The following ZC3H4 variants were observed in gnomAD, a reference collection of about 807,000 sequenced individuals.
ZC3H4 encodes the protein zinc finger CCCH domain-containing protein 4.
A neutral mutation model predicts 108.3 loss-of-function variants in ZC3H4; 13 were observed. The ratio of observed to expected loss-of-function variants is 0.12; its 90% CI spans 0.08 to 0.19. The LOEUF is 0.19. ZC3H4 is among the 10% of genes least tolerant of loss of function. ZC3H4 has a pLI of 1.00. For synonymous variants in ZC3H4, 917 were observed against 749.6 expected (o/e 1.22, Z -3.65); for missense variants, 1,734 against 1,838.8 (o/e 0.94, Z 1.04).
intron 2 of ZC3H4, among the ~76,000 whole-genome samples, chr19:47,106,665 G>A (rs969804035): frequency 6.6e-6 from 1 of 152,204 alleles, no homozygotes; most frequent in African/African-American, 2.4e-5. Flanking sequence ...AACTGTAGAA[G>A]GTAGGCCAGA....
chr19:47,089,875 G>T lies in ZC3H4; in HGVS notation c.715+92C>A, dbSNP rs1033460317. On this transcript the variant is annotated intron_variant, in intron 5 of 14. Coordinates refer to ENST00000253048, the MANE Select transcript of ZC3H4 (RefSeq NM_015168.2). ...TTGTACACTTATCCCAACCCTAAGT[G>T]ACCAAACTTGAGGTTCTGTGAGACC... 13 of 1,359,356 alleles carry T rather than the reference G, an allele frequency of 9.6e-6. No homozygotes were observed. The Admixed American group carries it at 2.1e-4, about 22-fold the overall frequency. The allele number at this position is 1,359,356 out of a possible 1,614,324, so 84.2% of individuals were successfully genotyped here. A position where few individuals can be genotyped will look rare whatever the true frequency, so the allele number is the denominator to read the frequency against.
chr19:47,084,453 G>A lies in ZC3H4; in HGVS notation c.1110C>T (p.Asp370=), dbSNP rs1198294182. 9 of 1,614,010 alleles carry A rather than the reference G, an allele frequency of 5.6e-6. No homozygotes were observed. The highest frequency in any genetic ancestry group is 2.2e-5 in the East Asian group (1 of 44,892). The part of the protein sequence containing the change: ...DEDFYDEDMG[D]GGGGSYRSRD... ...GACTCCGGTAGCTTCCACCACCACCGTCCTGCAATGGACAGGGTGTGGACG... is the reference window on the plus strand; with the variant it reads ...GACTCCGGTAGCTTCCACCACCACCATCCTGCAATGGACAGGGTGTGGACG... Residue 370 remains aspartate, a splice_region_variant and synonymous_variant, in exon 9 of 15, where the codon GAC becomes GAT. Coordinates refer to ENST00000253048, the MANE Select transcript of ZC3H4 (RefSeq NM_015168.2).
chr19:47,096,049 T>A (rs2057815123), intron 2 of ZC3H4, among the ~76,000 whole-genome samples: 1 of 152,206 alleles, frequency 6.6e-6, no homozygotes, highest in South Asian at 2.1e-4. Context: ...TCCACTGTCC[T>A]TTCGCTTATG....
intron 2 of ZC3H4, among the ~76,000 whole-genome samples, chr19:47,109,290 T>A (rs887861117): frequency 1.3e-5 from 2 of 152,264 alleles, no homozygotes; most frequent in African/African-American, 4.8e-5. Context: ...TGTGTTGACA[T>A]GCCTGTGAGC....
chr19:47,085,305 G>T lies in ZC3H4; in HGVS notation c.967+13C>A. 6.6e-7 allele frequency: 1 copy of T among 1,524,282 alleles called. No homozygotes were observed. The allele number at this position is 1,524,282 out of a possible 1,614,324, so 94.4% of individuals were successfully genotyped here. ...TGCCCCACCCAGCGTGTCCTCTCCA[G>T]GCCCCTGCCCACCTCGGCCTCGGCT... On this transcript the variant is annotated intron_variant, in intron 7 of 14. Coordinates refer to ENST00000253048, the MANE Select transcript of ZC3H4 (RefSeq NM_015168.2).
At chr19:47,085,939 C>G (rs1449261878) in intron 6 of ZC3H4, among the ~76,000 whole-genome samples, 1 of 152,160 alleles carries the variant, frequency 6.6e-6, no homozygotes, top group African/African-American at 2.4e-5. Flanking sequence ...TCTCGGCTCA[C>G]TGCAACCTCC....
At position 47,072,522 on chromosome 19, in the gene ZC3H4, C is replaced by T. The variant is rs900831960; in HGVS notation, c.1632G>A (p.Pro544=). 1.2e-4 allele frequency: 23 copies of T among 193,242 alleles called. No individual in the cohort carries two copies. Among genetic ancestry groups the T allele is most frequent in the South Asian group, 5.9e-4 (3 of 5,066 alleles). The allele number at this position is 193,242 out of a possible 1,614,324, so 12.0% of individuals were successfully genotyped here. A position where few individuals can be genotyped will look rare whatever the true frequency, so the allele number is the denominator to read the frequency against. The change falls in exon 12 of 15, where the codon CCG becomes CCA. Residue 544 remains proline, a synonymous_variant. Transcript: ENST00000253048. The surrounding 1 kb of genome is among the most constrained non-coding windows in gnomAD (Gnocchi z 5.6). The part of the protein sequence containing the change: ...GRPMQGGPPP[P]PPPPPPPPGP... ...CGGGCGGTGGGGGAGGGGGAGGGGG[C>T]GGGGGCGGGGGGCCACCCTGCATGG...
chr19:47,086,643 C>T, intron 5 of ZC3H4, 105 bp from the exon 6 acceptor site: 2 of 1,428,310 alleles, frequency 1.4e-6, no homozygotes, highest in Non-Finnish European at 1.8e-6. Context: ...TCAGCTGCCT[C>T]CTCCTCCTTC....
rs781476039 is a variant in ZC3H4, at chr19:47,071,822, T to G, written c.2102A>C (p.Gln701Pro). 1.9e-6 allele frequency: 3 copies of G among 1,613,438 alleles called. No homozygotes were observed. The part of the protein sequence containing the change: ...AQNFYENFYQ[Q>P]QEGMEMEPGL... ...GGGCTCCATCTCCATGCCCTCCTGC[T>G]GCTGGTAGAAGTTTTCATAGAAGTT... The change falls in exon 13 of 15, where the codon CAG becomes CCG. Residue 701 changes from glutamine to proline, a missense_variant. By Grantham distance (76) the Gln-to-Pro change is moderately conservative. Around this residue, in one of 9 missense-constraint regions of ZC3H4, gnomAD observed 540 missense variants for 484.1 expected, o/e 1.12. Coordinates refer to ENST00000253048, the MANE Select transcript of ZC3H4 (RefSeq NM_015168.2).
rs200656728 is a variant in ZC3H4 at position 47,072,010 on chromosome 19, C to G, written c.1914G>C (p.Pro638=). The stretch of plus-strand genomic sequence containing the variant: ...CTGCGTGCATGTCAGGGTGCATGTC[C>G]GGGTGCATGTCGGGGTGCATGTCAG... ...MHPDMHPDMH[P]DMHPDMHADM... is the part of the protein sequence containing the mutation. Residue 638 remains proline, a synonymous_variant, in exon 13 of 15, where the codon CCG becomes CCC. Transcript: ENST00000253048. This position sits in a 1 kb window ranked among gnomAD's most constrained non-coding sequence, Gnocchi z 5.6. The G allele has an allele frequency of 3.2e-5, 51 of 1,591,400 alleles. No homozygotes were observed. The African/African-American group carries it at 5.1e-4, about 16-fold the overall frequency.
chr19:47,112,336 G>C (rs1015790106), intron 2 of ZC3H4, 88 bp downstream of exon 2: 2 of 1,197,064 alleles, frequency 1.7e-6, no homozygotes, highest in Non-Finnish European at 1.0e-6. Flanking sequence ...CTCCTCCGCG[G>C]CCCGGCCCAA....
At chr19:47,106,649 G>T (rs1188315865) in intron 2 of ZC3H4, among the ~76,000 whole-genome samples, 1 of 152,122 alleles carries the variant, frequency 6.6e-6, no homozygotes, top group Non-Finnish European at 1.5e-5. Flanking sequence ...CTTTATCGTG[G>T]CCAGAAACTG....
intron 5 of ZC3H4, among the ~76,000 whole-genome samples, chr19:47,089,245 C>T (rs1435747067): frequency 6.7e-6 from 1 of 149,632 alleles, no homozygotes; most frequent in African/African-American, 2.5e-5. Context: ...GAATGAACAG[C>T]TACTCAACAA....
intron 2 of ZC3H4, among the ~76,000 whole-genome samples, chr19:47,100,096 A>G (rs1367558854): frequency 6.6e-6 from 1 of 152,192 alleles, no homozygotes. Flanking sequence ...GAAGTCCAGG[A>G]TCCCCAAGTC....
intron 11 of ZC3H4, among the ~76,000 whole-genome samples, chr19:47,074,340 C>A (rs1346390593): frequency 2.0e-5 from 3 of 152,228 alleles, no homozygotes; most frequent in Non-Finnish European, 4.4e-5. Context: ...CCCATCAACT[C>A]CAAGAGGGCA....
rs554054048 is a variant in ZC3H4 at position 47,064,533 on chromosome 19, A to C, written c.*1823T>G. On this transcript the variant is annotated 3_prime_UTR_variant, in exon 15 of 15. Transcript: ENST00000253048. ...GAGGGCTCCAGCTTCTATTTCATCC[A>C]CAGATTTCGGTTTAAAAAATATTTT... The C allele has an allele frequency of 1.3e-5, 2 of 152,516 alleles. No homozygotes were observed. Among genetic ancestry groups the C allele is most frequent in the South Asian group, 4.1e-4 (2 of 4,826 alleles). The allele number at this position is 152,516 out of a possible 1,614,324, so 9.4% of individuals were successfully genotyped here.
At position 47,072,505 on chromosome 19, in the gene ZC3H4, G is replaced by A; in HGVS notation, c.1649C>T (p.Pro550Leu). The change falls in exon 12 of 15, where the codon CCA (proline) becomes CTA (leucine). Residue 550 changes from proline (P) to leucine (L), a missense_variant. By Grantham distance (98) the Pro-to-Leu change is moderately conservative. This residue lies in a region of ZC3H4 where 75 missense variants were observed against 85.8 expected (regional missense o/e 0.87). Transcript: ENST00000253048. The surrounding 1 kb of genome is among the most constrained non-coding windows in gnomAD (Gnocchi z 5.6). The part of the protein sequence containing the change: ...GPPPPPPPPP[P>L]PPGPPQMPMP... ...GGGCATCTGAGGGGGCCCGGGCGGTGGGGGAGGGGGAGGGGGCGGGGGCGG... is the reference window on the plus strand; with the variant it reads ...GGGCATCTGAGGGGGCCCGGGCGGTAGGGGAGGGGGAGGGGGCGGGGGCGG... 2 of 1,317,004 alleles carry A rather than the reference G, an allele frequency of 1.5e-6. No homozygotes were observed. Among genetic ancestry groups the A allele is most frequent in the Non-Finnish European group, 2.1e-6 (2 of 964,346 alleles). 81.6% of individuals were successfully genotyped at this position (1,317,004 alleles called of 1,614,324 possible).
At chr19:47,076,314 T>TGC (rs747893401) in intron 11 of ZC3H4, among the ~76,000 whole-genome samples, 189 of 78,124 alleles carry the variant, frequency 2.4e-3, no homozygotes, top group Middle Eastern at 6.3e-3. Context: ...CATGCACGCG[T>TGC]GCGCGCGCGC....
intron 14 of ZC3H4, among the ~76,000 whole-genome samples, chr19:47,068,451 C>A (rs943642164): frequency 3.9e-4 from 59 of 152,228 alleles, no homozygotes; most frequent in Non-Finnish European, 7.3e-5. Flanking sequence ...ACCGCAGTCA[C>A]CAGCTGATAA....
Sources: gnomAD v4.1 joint callset for allele counts (sites outside exome capture counted in the v4.1 genomes callset) on GRCh38, gnomAD v4.1.1 for gene constraint, gnomAD v4.1.1 regional missense constraint, Gnocchi (gnomAD v3.1) non-coding constraint, MANE v1.5 for transcripts, NCBI Gene and HGNC (gene_info 2026-07-23, HGNC 2026-07-21) for gene names.